GON4L: variants seen among roughly 807,000 people sequenced by gnomAD.
GON4L encodes the protein gon-4 like.
A neutral mutation model predicts 211.8 loss-of-function variants in GON4L; 87 were observed. The observed-to-expected ratio is 0.41, with a 90% CI of 0.35 to 0.49. The LOEUF is 0.49. Among genes scored for constraint, GON4L ranks in the 20% least tolerant of loss-of-function variants. The pLI is 0.15. For missense variants in GON4L, 2,155 were observed against 2,659.5 expected (o/e 0.81, Z 4.17); for synonymous variants, 875 against 962.6 (o/e 0.91, Z 1.68).
chr1:155,764,573 G>A, intron 21 of GON4L: 1 of 359,724 alleles, frequency 2.8e-6, no homozygotes, highest in South Asian at 2.5e-5. Context: ...CCAAGCAGCA[G>A]GGATTACAGG....
At position 155,760,661 on chromosome 1, in the gene GON4L, A is replaced by G. The variant is rs1661693416; in HGVS notation, c.4912-20T>C. The G allele has an allele frequency of 6.5e-7, 1 of 1,542,316 alleles. No individual in the cohort carries two copies. Among genetic ancestry groups the G allele is most frequent in the African/African-American group, 1.4e-5 (1 of 73,588 alleles). ...TCGCACCTACACGGGAAGACTTTCA[A>G]TCATCAACACCCTTTATTTGGGCCA... On this transcript the variant is annotated intron_variant, in intron 23 of 31. Coordinates refer to ENST00000368331, the MANE Select transcript of GON4L (RefSeq NM_001282860.2).
chr1:155,806,819 C>A (rs999634176), intron 10 of GON4L, among the ~76,000 whole-genome samples: 2 of 152,066 alleles, frequency 1.3e-5, no homozygotes, highest in African/African-American at 4.8e-5. Flanking sequence ...TATAATACCG[C>A]TGGCTGAATG....
chr1:155,770,162 T>C (rs779076475), intron 19 of GON4L, among the ~76,000 whole-genome samples: 5 of 151,272 alleles, frequency 3.3e-5, no homozygotes, highest in Non-Finnish European at 7.4e-5. Flanking sequence ...CAGTGAGCTA[T>C]GACTGTACCA....
chr1:155,856,344 C>T (rs931903203), intron 1 of GON4L, among the ~76,000 whole-genome samples: 1 of 152,036 alleles, frequency 6.6e-6, no homozygotes, highest in Non-Finnish European at 1.5e-5. Flanking sequence ...CCTCTGGCCT[C>T]GGCCTCCCGA....
chr1:155,825,145 C>G (rs1669078408), intron 3 of GON4L, among the ~76,000 whole-genome samples: 1 of 151,600 alleles, frequency 6.6e-6, no homozygotes, highest in Non-Finnish European at 1.5e-5. Context: ...GCCTGGGTGA[C>G]AGAGCAGTAC....
intron 18 of GON4L, among the ~76,000 whole-genome samples, chr1:155,771,993 T>C (rs965347476): frequency 6.6e-6 from 1 of 152,004 alleles, no homozygotes; most frequent in African/African-American, 2.4e-5. Context: ...TGAAACCTCG[T>C]CTCTACTAAA....
rs950050034 is a variant in GON4L, at chr1:155,846,566, G to T, written c.505+6710C>A. 5.3e-5 allele frequency: 8 copies of T among 151,696 alleles called. No homozygotes were observed. In the South Asian group the frequency reaches 6.3e-4, roughly 12 times the overall value. 9.4% of individuals were successfully genotyped at this position (151,696 alleles called of 1,614,324 possible). ...TAGGAAAAAGAAGAGAGCAAAAAAG[G>T]ATACAAAAGACGACAAAGAGAAAGA... On this transcript the variant is annotated intron_variant, in intron 2 of 31. Transcript: ENST00000368331.
chr1:155,756,139 CAA>C (rs1571621073), intron 27 of GON4L, among the ~76,000 whole-genome samples: 1 of 152,088 alleles, frequency 6.6e-6, no homozygotes, highest in Admixed American at 6.6e-5. Flanking sequence ...AAAATGCAAA[CAA>C]GAGCAATCTC....
intron 2 of GON4L, among the ~76,000 whole-genome samples, chr1:155,840,903 T>C (rs1263644012): frequency 6.6e-6 from 1 of 152,030 alleles, no homozygotes; most frequent in Non-Finnish European, 1.5e-5. Flanking sequence ...GGCGTGGTAG[T>C]ACATGCCTGT....
At chr1:155,854,841 GCC>G (rs1279576402) in intron 1 of GON4L, among the ~76,000 whole-genome samples, 66 of 152,216 alleles carry the variant, frequency 4.3e-4, no homozygotes, top group African/African-American at 1.5e-3. Flanking sequence ...TTCGAGACCA[GCC>G]TGATCAACAT....
chr1:155,795,190 T>C (rs953462496), intron 11 of GON4L, 39 bp from the exon 12 acceptor site: 1 of 1,038,694 alleles, frequency 9.6e-7, no homozygotes, highest in African/African-American at 1.6e-5. Flanking sequence ...ATTAACTCTG[T>C]TCTCAAACTT....
rs34391545 is a variant in GON4L at position 155,752,573 on chromosome 1, T to C, written c.5860A>G (p.Ser1954Gly). The change falls in exon 30 of 32, where the codon AGC becomes GGC. Residue 1954 changes from serine (S) to glycine (G), a missense_variant. By Grantham distance (56) the Ser-to-Gly change is moderately conservative (BLOSUM62 0). Around this residue, in one of 6 missense-constraint regions of GON4L, gnomAD observed 455 missense variants for 504.6 expected, o/e 0.90. Transcript: ENST00000368331. ...ACTTCTCGAGGGGATGGCAAAGTGC[T>C]CCCCACTGCCAATCCTGCTTAGGAG... is the stretch of plus-strand genomic sequence containing the variant. Reference protein sequence around the residue: ...MPVSAGLAVGSTLPSPREVTV... With the variant: ...MPVSAGLAVGGTLPSPREVTV... The C allele has an allele frequency of 1.2e-4, 194 of 1,589,528 alleles. 1 individual carries two copies. The highest frequency in any genetic ancestry group is 4.4e-4 in the Admixed American group (24 of 54,878).
intron 6 of GON4L, 65 bp downstream of exon 6, chr1:155,820,541 T>C (rs1259650668): frequency 1.6e-5 from 17 of 1,050,028 alleles, no homozygotes; most frequent in Non-Finnish European, 2.4e-5. Flanking sequence ...TTTTTCCCTA[T>C]GGGTGAATTA....
intron 14 of GON4L, 61 bp downstream of exon 14, chr1:155,783,925 A>C: frequency 1.2e-6 from 2 of 1,606,794 alleles, no homozygotes; most frequent in Non-Finnish European, 1.7e-6. Flanking sequence ...CAACTTCTGA[A>C]AACCTTTTCA....
At chr1:155,809,990 AAT>A (rs563059463) in intron 10 of GON4L, among the ~76,000 whole-genome samples, 1 of 20,466 alleles carries the variant, frequency 4.9e-5, no homozygotes, top group Non-Finnish European at 1.6e-4. Flanking sequence ...ATATATATAT[AAT>A]TATATATATA....
chr1:155,754,608 C>T, intron 27 of GON4L, 120 bp from the exon 28 acceptor site: 1 of 626,854 alleles, frequency 1.6e-6, no homozygotes, highest in South Asian at 1.9e-5. Context: ...CAGCTCACCG[C>T]AACCTCTGCC....
chr1:155,820,540 A>G (rs751042295), intron 6 of GON4L, 66 bp downstream of exon 6: 1 of 1,032,820 alleles, frequency 9.7e-7, no homozygotes. Context: ...ATTTTTCCCT[A>G]TGGGTGAATT....
At position 155,771,715 on chromosome 1, in the gene GON4L, C is replaced by T. The variant is rs924026684; in HGVS notation, c.2496-498G>A. ...CTAATCTTAAACTCCTGGCCTCAAG[C>T]GATCCTCCTGCCTCAGCCTCTCAAA... is the stretch of plus-strand genomic sequence containing the variant. On this transcript the variant is annotated intron_variant, in intron 18 of 31. Transcript: ENST00000368331. Among the ~76,000 whole-genome samples, 3 of 152,186 alleles carry T rather than the reference C, an allele frequency of 2.0e-5. No individual in the cohort carries two copies. In the South Asian group the frequency reaches 6.2e-4, roughly 32 times the overall value.
intron 13 of GON4L, 128 bp downstream of exon 13, chr1:155,785,206 T>C (rs767353823): frequency 9.0e-6 from 7 of 775,478 alleles, no homozygotes; most frequent in African/African-American, 1.7e-5. Flanking sequence ...CTTTCCCAGG[T>C]AGACTAAAAG....
Sources: allele counts gnomAD v4.1 joint callset (sites outside exome capture counted in the v4.1 genomes callset), GRCh38; gene constraint gnomAD v4.1.1; regional missense constraint gnomAD v4.1.1; transcripts MANE v1.5; gene names NCBI Gene and HGNC (gene_info 2026-07-23, HGNC 2026-07-21).